Variants in MYO3B observed in about 807,000 individuals in gnomAD.
The protein encoded by MYO3B is myosin IIIB.
In MYO3B, 156 loss-of-function variants were observed where a neutral mutation model predicts 174.6. The observed-to-expected ratio is 0.89, with a 90% CI of 0.78 to 1.02. The LOEUF is 1.02. Ranked by LOEUF, MYO3B falls within the 50% of genes least tolerant of loss-of-function variation. MYO3B has a pLI of 0.00. For synonymous variants in MYO3B, 563 were observed against 569.1 expected (o/e 0.99, Z 0.15); for missense variants, 1,632 against 1,639.4 (o/e 1.00, Z 0.08).
Position 170,541,481 on chromosome 2 carries a change from C to T in MYO3B, c.3576-1425C>T, listed in dbSNP as rs1269550612. On this transcript the variant is annotated intron_variant, in intron 30 of 34. Coordinates refer to ENST00000408978, the MANE Select transcript of MYO3B (RefSeq NM_138995.5). ...ATGATACCTGGGAAAATCTCTTAAC[C>T]TCTCTGAACCTCTTTGTTTATCTGT... Among the ~76,000 whole-genome samples the T allele has an allele frequency of 2.6e-5, 4 of 152,206 alleles. No homozygotes were observed. The East Asian group carries it at 7.7e-4, about 29-fold the overall frequency.
intron 32 of MYO3B, among the ~76,000 whole-genome samples, chr2:170,595,253 A>G (rs1694072980): frequency 6.6e-6 from 1 of 152,170 alleles, no homozygotes; most frequent in Non-Finnish European, 1.5e-5. Flanking sequence ...TTCTTGCACT[A>G]CTGCCTTAAC....
chr2:170,531,632 T>A (rs1402342400), intron 30 of MYO3B, among the ~76,000 whole-genome samples: 1 of 152,258 alleles, frequency 6.6e-6, no homozygotes, highest in Non-Finnish European at 1.5e-5. Flanking sequence ...CTTTAAGTCA[T>A]CCTTAGTATT....
At chr2:170,462,903 A>AGGAGTCTGATGGTTGCAGCATC (rs1684388193) in intron 23 of MYO3B, among the ~76,000 whole-genome samples, 1 of 140,750 alleles carries the variant, frequency 7.1e-6, no homozygotes, top group Non-Finnish European at 1.5e-5. Context: ...GGGTGGTAGG[A>AGGAGTCTGATGGTTGCAGCATC]GGAGTCTGAT....
chr2:170,482,954 A>G (rs1253892322), intron 25 of MYO3B, among the ~76,000 whole-genome samples: 1 of 152,272 alleles, frequency 6.6e-6, no homozygotes, highest in Non-Finnish European at 1.5e-5. Flanking sequence ...AATTGGGACA[A>G]AATCCCAAAA....
intron 25 of MYO3B, among the ~76,000 whole-genome samples, chr2:170,490,503 A>C (rs1003303275): frequency 1.3e-5 from 2 of 151,422 alleles, no homozygotes; most frequent in African/African-American, 4.9e-5. Flanking sequence ...AGACAATTCT[A>C]CTTACGCCCT....
At chr2:170,425,407 C>T (rs903951116) in intron 22 of MYO3B, among the ~76,000 whole-genome samples, 1 of 152,164 alleles carries the variant, frequency 6.6e-6, no homozygotes, top group Non-Finnish European at 1.5e-5. Flanking sequence ...TGTGAGTCAT[C>T]AGTAAACTAA....
chr2:170,646,886 T>C (rs1377881948), intron 32 of MYO3B: 6 of 1,344,152 alleles, frequency 4.5e-6, no homozygotes, highest in Non-Finnish European at 6.0e-6. Context: ...TTTCTAACTA[T>C]ATTTCTCTGT....
chr2:170,466,640 G>A lies in MYO3B; in HGVS notation c.2943G>A (p.Gly981=), dbSNP rs749477438. Residue 981 remains glycine, a synonymous_variant, in exon 25 of 35, where the codon GGG becomes GGA. Coordinates refer to ENST00000408978, the MANE Select transcript of MYO3B (RefSeq NM_138995.5). ...ERVLAQLRST[G]ILETVSIRRQ... ...TGCTGGCCCAGCTCCGCTCCACAGG[G>A]ATTCTGGAGACAGTCAGCATCCGCC... 1.2e-6 allele frequency: 2 copies of A among 1,614,222 alleles called. No homozygotes were observed. Among genetic ancestry groups the A allele is most frequent in the South Asian group, 1.1e-5 (1 of 91,082 alleles).
intron 1 of MYO3B, chr2:170,180,284 C>A: frequency 3.2e-6 from 1 of 314,934 alleles, no homozygotes; most frequent in Non-Finnish European, 6.9e-6. Flanking sequence ...TCACGAGAAA[C>A]TCAAATCAGC....
At chr2:170,486,299 CTTTTT>C (rs10715918) in intron 25 of MYO3B, among the ~76,000 whole-genome samples, 1 of 99,188 alleles carries the variant, frequency 1.0e-5, no homozygotes. Context: ...AGAATCCATT[CTTTTT>C]TTTTTTTTTT....
At chr2:170,304,586 T>G (rs544840030) in intron 7 of MYO3B, among the ~76,000 whole-genome samples, 167 of 151,306 alleles carry the variant, frequency 1.1e-3, no homozygotes, top group Non-Finnish European at 1.8e-3. Context: ...TGCCTCAGCC[T>G]CCCGAGTAGC....
intron 22 of MYO3B, among the ~76,000 whole-genome samples, chr2:170,434,029 A>T (rs2094731459): frequency 6.6e-6 from 1 of 152,206 alleles, no homozygotes; most frequent in Non-Finnish European, 1.5e-5. Context: ...AAAATTTAAC[A>T]TTACACATGA....
intron 32 of MYO3B, among the ~76,000 whole-genome samples, chr2:170,648,779 T>G (rs1414191486): frequency 9.9e-5 from 12 of 120,868 alleles, no homozygotes; most frequent in Non-Finnish European, 1.9e-4. Flanking sequence ...ATATATTCTA[T>G]GTATTCTATA....
chr2:170,606,144 C>T (rs1337626399), intron 32 of MYO3B, among the ~76,000 whole-genome samples: 1 of 152,106 alleles, frequency 6.6e-6, no homozygotes, highest in Non-Finnish European at 1.5e-5. Flanking sequence ...CAGTGATCAG[C>T]GTTGAAGAAA....
chr2:170,212,243 CA>C lies in MYO3B; in HGVS notation c.322-2118del, dbSNP rs57947187. 1.3e-3 allele frequency among the ~76,000 whole-genome samples: 167 copies of C among 127,992 alleles called. 1 individual carries two copies. Among genetic ancestry groups the C allele is most frequent in the Middle Eastern group, 4.0e-3 (1 of 250 alleles). 84.0% of individuals were successfully genotyped at this position (127,992 alleles called of 152,430 possible). ...GGGCAAAAACAGTGAAACTCCCTCTCAAAAAAAAAAAAAAAAAAGTCTGGGG... is the reference window on the plus strand; with the variant it reads ...GGGCAAAAACAGTGAAACTCCCTCTCAAAAAAAAAAAAAAAAAGTCTGGGG... On this transcript the variant is annotated intron_variant, in intron 3 of 34. Coordinates refer to ENST00000408978, the MANE Select transcript of MYO3B (RefSeq NM_138995.5).
At chr2:170,224,029 A>T (rs1348008493) in intron 6 of MYO3B, among the ~76,000 whole-genome samples, 1 of 152,024 alleles carries the variant, frequency 6.6e-6, no homozygotes, top group Non-Finnish European at 1.5e-5. Flanking sequence ...TCCAGTAACT[A>T]TGGGGGGAAA....
intron 7 of MYO3B, among the ~76,000 whole-genome samples, chr2:170,291,409 T>C (rs2093595106): frequency 6.6e-6 from 1 of 152,236 alleles, no homozygotes; most frequent in Non-Finnish European, 1.5e-5. Context: ...TTATTGTTTT[T>C]GATAGATTTG....
At chr2:170,497,088 G>A (rs1349586187) in intron 25 of MYO3B, among the ~76,000 whole-genome samples, 1 of 152,148 alleles carries the variant, frequency 6.6e-6, no homozygotes, top group Non-Finnish European at 1.5e-5. Flanking sequence ...TCACTCTCAC[G>A]TTCTCCTGCC....
At chr2:170,588,697 GGAGTTATA>G (rs1693642500) in intron 32 of MYO3B, among the ~76,000 whole-genome samples, 1 of 152,208 alleles carries the variant, frequency 6.6e-6, no homozygotes, top group Admixed American at 6.5e-5. Context: ...AATGGATCAA[GGAGTTATA>G]GCAGCTTTTA....
Sources: allele counts gnomAD v4.1 joint callset (sites outside exome capture counted in the v4.1 genomes callset), GRCh38; gene constraint gnomAD v4.1.1; transcripts MANE v1.5; gene names NCBI Gene and HGNC (gene_info 2026-07-23, HGNC 2026-07-21).